The following TMEM87B variants were observed in gnomAD, a reference collection of about 807,000 sequenced individuals.
The protein encoded by TMEM87B is transmembrane protein 87B.
In TMEM87B, 83 loss-of-function variants were observed where a neutral mutation model predicts 80.3. That is an observed-to-expected ratio of 1.03 (90% CI 0.87 to 1.24). The LOEUF (loss-of-function observed/expected upper bound fraction) is 1.24, where lower values mean the gene tolerates loss of function less well. Among genes scored for constraint, TMEM87B ranks in the 50% most tolerant of loss-of-function variants. The pLI, the probability that TMEM87B is intolerant of heterozygous loss-of-function variation, is 0.00. For synonymous variants in TMEM87B, 219 were observed against 230.5 expected, an observed-to-expected ratio of 0.95 and a Z score of 0.45; for missense variants, 625 against 674.4, an observed-to-expected ratio of 0.93 and a Z score of 0.81.
In TMEM87B at chr2:112,098,584, C is replaced by G. The variant is rs1679538969; in HGVS notation, c.1273-11C>G. The G allele has an allele frequency of 6.2e-7, 1 of 1,613,374 alleles. No individual in the cohort carries two copies. Among genetic ancestry groups the G allele is most frequent in the African/African-American group, 1.3e-5 (1 of 74,894 alleles). Reference sequence around the variant, plus strand: ...AATTAACGTTTCATGCTTGAATTGTCCTTCTTTTAGGATTGGATGGAACGC... The same window carrying G: ...AATTAACGTTTCATGCTTGAATTGTGCTTCTTTTAGGATTGGATGGAACGC... On this transcript the variant is annotated splice_polypyrimidine_tract_variant and intron_variant, in intron 13 of 18. Coordinates refer to ENST00000283206, the MANE Select transcript of TMEM87B (RefSeq NM_032824.3).
chr2:112,097,723 A>C (rs1384325617), intron 13 of TMEM87B, among the ~76,000 whole-genome samples: 5 of 151,682 alleles, frequency 3.3e-5, no homozygotes, highest in Admixed American at 6.6e-5. Flanking sequence ...AAAAAAAAAA[A>C]AAAAAAAAAA....
In TMEM87B at chr2:112,105,998, G is replaced by A. The variant is rs367903876; in HGVS notation, c.1451-4G>A. 5.8e-5 allele frequency: 90 copies of A among 1,558,920 alleles called. 2 individuals are homozygous for A. Among genetic ancestry groups the A allele is most frequent in the South Asian group, 3.9e-4 (32 of 81,688 alleles). The stretch of plus-strand genomic sequence containing the variant: ...TATATATATGTTTATAATGTCTCTC[G>A]TAGCCGAAGGAATAAAATTAAGAGC... On this transcript the variant is annotated splice_polypyrimidine_tract_variant and splice_region_variant and intron_variant, in intron 15 of 18. Transcript: ENST00000283206.
At chr2:112,113,242 A>G (rs1217672801) in intron 18 of TMEM87B, among the ~76,000 whole-genome samples, 1 of 152,224 alleles carries the variant, frequency 6.6e-6, no homozygotes, top group Non-Finnish European at 1.5e-5. Flanking sequence ...TTGCTGAGAT[A>G]TTAAAGTTTC....
chr2:112,107,357 CAA>C (rs35280651), intron 16 of TMEM87B, among the ~76,000 whole-genome samples: 22 of 83,964 alleles, frequency 2.6e-4, no homozygotes, highest in African/African-American at 5.0e-4. Context: ...GACTCTGTCT[CAA>C]AAAAAAAAAA....
chr2:112,085,330 C>T (rs974647440), intron 8 of TMEM87B, among the ~76,000 whole-genome samples: 6 of 152,198 alleles, frequency 3.9e-5, no homozygotes, highest in Admixed American at 1.3e-4. Flanking sequence ...TTGCACGTGC[C>T]GTGTTCTTTG....
chr2:112,109,272 C>A (rs13418394), intron 17 of TMEM87B, among the ~76,000 whole-genome samples: 3,375 of 152,162 alleles, frequency 0.022, 34 homozygotes, highest in African/African-American at 0.028. Flanking sequence ...TGTATATATT[C>A]TTTTATATTT....
chr2:112,062,351 C>T (rs1678283794), intron 2 of TMEM87B, among the ~76,000 whole-genome samples: 1 of 152,068 alleles, frequency 6.6e-6, no homozygotes, highest in South Asian at 2.1e-4. Flanking sequence ...TGTAATTCAC[C>T]ATATTAACAG....
chr2:112,067,199 ATTCCC>A, intron 4 of TMEM87B, 132 bp downstream of exon 4: 1 of 1,207,586 alleles, frequency 8.3e-7, no homozygotes, highest in Non-Finnish European at 1.2e-6. Context: ...AGTTTATTTT[ATTCCC>A]ACTGAATACA....
rs989243265 is a variant in TMEM87B at position 112,118,595 on chromosome 2, G to T, written c.*2452G>T. The T allele has an allele frequency of 6.6e-6, 1 of 152,052 alleles. No individual in the cohort carries two copies. The highest frequency in any genetic ancestry group is 1.5e-5 in the Non-Finnish European group (1 of 67,998). The allele number at this position is 152,052 out of a possible 1,614,324, so 9.4% of individuals were successfully genotyped here. A position where few individuals can be genotyped will look rare whatever the true frequency, so the allele number is the denominator to read the frequency against. On this transcript the variant is annotated 3_prime_UTR_variant, in exon 19 of 19. Coordinates refer to ENST00000283206, the MANE Select transcript of TMEM87B (RefSeq NM_032824.3). ...GCTTTAGATAGCAATTAATTTTATT[G>T]TAAAAATAAGGAAAAATATGTGAAT...
At chr2:112,084,422 C>T (rs1028674499) in intron 8 of TMEM87B, among the ~76,000 whole-genome samples, 4 of 152,206 alleles carry the variant, frequency 2.6e-5, no homozygotes, top group African/African-American at 9.6e-5. Flanking sequence ...TCTTCTCAAC[C>T]TCTGAATGGC....
chr2:112,076,997 A>G (rs1446419729), intron 5 of TMEM87B, among the ~76,000 whole-genome samples, 195 bp from the exon 6 acceptor site: 1 of 141,276 alleles, frequency 7.1e-6, no homozygotes, highest in African/African-American at 2.6e-5. Flanking sequence ...AGGGGTCAGG[A>G]GTTTGAGACC....
At chr2:112,104,199 C>T (rs530087764) in intron 15 of TMEM87B, among the ~76,000 whole-genome samples, 4 of 152,172 alleles carry the variant, frequency 2.6e-5, no homozygotes, top group African/African-American at 9.6e-5. Context: ...ACATGAAAAA[C>T]AGTAACCATT....
rs1680068057 is a variant in TMEM87B at position 112,117,936 on chromosome 2, T to TGTTAATA, written c.*1793_*1794insGTTAATA. 1 of 152,086 alleles carries TGTTAATA rather than the reference T, an allele frequency of 6.6e-6. No homozygotes were observed. Among genetic ancestry groups the TGTTAATA allele is most frequent in the Admixed American group, 6.5e-5 (1 of 15,268 alleles). 9.4% of individuals were successfully genotyped at this position (152,086 alleles called of 1,614,324 possible). Reference sequence around the variant, plus strand: ...ATCTGGTAGAGTGGGAGTGTGGAGTTAATGGTGAGTATGTTAATAAAGGGA... The same window carrying TGTTAATA: ...ATCTGGTAGAGTGGGAGTGTGGAGTTGTTAATAAATGGTGAGTATGTTAATAAAGGGA... On this transcript the variant is annotated 3_prime_UTR_variant, in exon 19 of 19. Transcript: ENST00000283206.
At chr2:112,116,003 G>T (rs1203243304) in intron 18 of TMEM87B, 81 bp from the exon 19 acceptor site, 13 of 1,062,414 alleles carry the variant, frequency 1.2e-5, no homozygotes, top group East Asian at 2.4e-5. Flanking sequence ...AAATGTGGCT[G>T]TTGAAAGATT....
Position 112,064,266 on chromosome 2 carries a change from C to A in TMEM87B, c.318+13C>A, listed in dbSNP as rs746402196. 1.2e-5 allele frequency: 20 copies of A among 1,607,628 alleles called. No homozygotes were observed. Among genetic ancestry groups the A allele is most frequent in the Non-Finnish European group, 1.7e-5 (20 of 1,174,904 alleles). ...TTCTAATCTGGAAGTAAGTAAAACA[C>A]AAGTTTTTAATGTATATAAAGCTAT... On this transcript the variant is annotated intron_variant, in intron 3 of 18. Coordinates refer to ENST00000283206, the MANE Select transcript of TMEM87B (RefSeq NM_032824.3).
chr2:112,058,854 G>A (rs1471250688), intron 1 of TMEM87B, among the ~76,000 whole-genome samples: 1 of 152,224 alleles, frequency 6.6e-6, no homozygotes, highest in Non-Finnish European at 1.5e-5. Context: ...AAGTAGGCAT[G>A]CCTTGGGGAT....
chr2:112,086,412 A>G (rs1558840546), intron 9 of TMEM87B, among the ~76,000 whole-genome samples: 1 of 152,238 alleles, frequency 6.6e-6, no homozygotes, highest in Non-Finnish European at 1.5e-5. Context: ...TTTAGACAGT[A>G]TCATTAAGCT....
chr2:112,080,360 C>T (rs879863668), intron 6 of TMEM87B, among the ~76,000 whole-genome samples: 132 of 151,950 alleles, frequency 8.7e-4, no homozygotes, highest in Non-Finnish European at 1.7e-3. Context: ...CCTGGGTTCA[C>T]GCCATTCTCC....
At chr2:112,100,990 T>C (rs572190653) in intron 15 of TMEM87B, among the ~76,000 whole-genome samples, 1 of 152,200 alleles carries the variant, frequency 6.6e-6, no homozygotes, top group Non-Finnish European at 1.5e-5. Context: ...AATGTTCATC[T>C]TGATGATTGC....
Sources: gnomAD v4.1 joint callset for allele counts (sites outside exome capture counted in the v4.1 genomes callset) on GRCh38, gnomAD v4.1.1 for gene constraint, MANE v1.5 for transcripts, NCBI Gene and HGNC (gene_info 2026-07-23, HGNC 2026-07-21) for gene names.